FAT3: variants seen among roughly 807,000 people sequenced by gnomAD.
The protein encoded by FAT3 is protocadherin Fat 3.
In FAT3, 95 loss-of-function variants were observed where a neutral mutation model predicts 310.2. The observed-to-expected ratio is 0.31, with a 90% CI of 0.26 to 0.36. FAT3 has a LOEUF of 0.36. Ranked by LOEUF, FAT3 falls within the 10% of genes least tolerant of loss-of-function variation. FAT3 has a pLI of 1.00. For missense variants in FAT3, 5,408 were observed against 5,715.6 expected, an observed-to-expected ratio of 0.95 and a Z score of 1.74; for synonymous variants, 2,314 against 2,192.9, an observed-to-expected ratio of 1.06 and a Z score of -1.54.
chr11:92,329,284 C>A (rs1316169163), intron 1 of FAT3, among the ~76,000 whole-genome samples: 1 of 151,804 alleles, frequency 6.6e-6, no homozygotes, highest in Non-Finnish European at 1.5e-5. Context: ...AAGATTAATG[C>A]CCTCCCTCCG....
At chr11:92,412,009 C>G (rs1325667655) in intron 2 of FAT3, among the ~76,000 whole-genome samples, 1 of 152,002 alleles carries the variant, frequency 6.6e-6, no homozygotes. Context: ...TCAGATTTCC[C>G]CAAAGATATA....
intron 4 of FAT3, among the ~76,000 whole-genome samples, chr11:92,722,431 GC>G (rs1156827682): frequency 6.6e-6 from 1 of 152,216 alleles, no homozygotes; most frequent in Non-Finnish European, 1.5e-5. Context: ...GCAGGGTACA[GC>G]CTCCCTCCAA....
intron 1 of FAT3, among the ~76,000 whole-genome samples, chr11:92,235,062 C>T (rs1454118923): frequency 6.6e-6 from 1 of 150,816 alleles, no homozygotes; most frequent in East Asian, 2.0e-4. Context: ...CAGAGCAAGA[C>T]TCCATCTCTC....
At chr11:92,570,407 A>C (rs16917774) in intron 3 of FAT3, among the ~76,000 whole-genome samples, 2,113 of 152,300 alleles carry the variant, frequency 0.014, 58 homozygotes, top group African/African-American at 0.049. Flanking sequence ...GTGTTGGATA[A>C]TCATTAATGA....
intron 1 of FAT3, among the ~76,000 whole-genome samples, chr11:92,324,689 GA>G (rs1947719636): frequency 6.6e-6 from 1 of 152,200 alleles, no homozygotes; most frequent in South Asian, 2.1e-4. Flanking sequence ...CATGCTGTTG[GA>G]AAAATGGCGC....
chr11:92,375,427 C>T (rs1017722325), intron 2 of FAT3, among the ~76,000 whole-genome samples: 7 of 152,178 alleles, frequency 4.6e-5, no homozygotes, highest in Non-Finnish European at 1.0e-4. Flanking sequence ...AAGTGTCAGC[C>T]ACCACACCCA....
chr11:92,371,486 C>A (rs531566837), intron 2 of FAT3, among the ~76,000 whole-genome samples: 1 of 152,134 alleles, frequency 6.6e-6, no homozygotes, highest in Non-Finnish European at 1.5e-5. Flanking sequence ...GGAAGCGAGG[C>A]GGGTGGATCA....
intron 4 of FAT3, among the ~76,000 whole-genome samples, chr11:92,726,933 C>G (rs959980594): frequency 7.9e-5 from 12 of 151,882 alleles, no homozygotes; most frequent in African/African-American, 2.9e-4. Context: ...TAAATCTATT[C>G]AATAGAAGTC....
intron 2 of FAT3, among the ~76,000 whole-genome samples, chr11:92,454,556 C>T (rs1951449242): frequency 6.6e-6 from 1 of 152,100 alleles, no homozygotes. Context: ...TGGTAGAAAC[C>T]TTGATTACTT....
chr11:92,449,152 TA>T (rs1247813585), intron 2 of FAT3, among the ~76,000 whole-genome samples: 1 of 152,022 alleles, frequency 6.6e-6, no homozygotes, highest in Admixed American at 6.6e-5. Flanking sequence ...GCAATGCCAA[TA>T]AAAAAGCATC....
chr11:92,693,653 G>T (rs1943857691), intron 3 of FAT3, among the ~76,000 whole-genome samples: 1 of 152,196 alleles, frequency 6.6e-6, no homozygotes, highest in South Asian at 2.1e-4. Flanking sequence ...TGGCAGTGCT[G>T]CTGAGGTGCC....
chr11:92,387,863 T>C (rs1044464527), intron 2 of FAT3, among the ~76,000 whole-genome samples: 6 of 152,162 alleles, frequency 3.9e-5, no homozygotes, highest in Non-Finnish European at 8.8e-5. Context: ...CATCTCCTAC[T>C]TGGGTCAATA....
chr11:92,769,961 C>T lies in FAT3; in HGVS notation c.4196-4080C>T, dbSNP rs559839684. 9.8e-5 allele frequency among the ~76,000 whole-genome samples: 15 copies of T among 152,294 alleles called. No homozygotes were observed. In the South Asian group the frequency reaches 2.9e-3, roughly 29 times the overall value. The stretch of plus-strand genomic sequence containing the variant: ...TGGTAGGACTAGCAGCAGCCTTGTT[C>T]TTCAACTAGAGCTTGGACACCTCTG... On this transcript the variant is annotated intron_variant, in intron 6 of 27. Coordinates refer to ENST00000525166, the MANE Select transcript of FAT3 (RefSeq NM_001367949.2).
chr11:92,568,585 T>C (rs1955559079), intron 3 of FAT3, among the ~76,000 whole-genome samples: 1 of 152,162 alleles, frequency 6.6e-6, no homozygotes, highest in South Asian at 2.1e-4. Flanking sequence ...TTAGACTGAT[T>C]ATAATGTAGT....
chr11:92,730,509 G>A (rs942995041), intron 4 of FAT3, among the ~76,000 whole-genome samples: 1 of 152,186 alleles, frequency 6.6e-6, no homozygotes, highest in African/African-American at 2.4e-5. Context: ...GGCTGATGTA[G>A]CAAGGAAAGG....
chr11:92,471,645 G>A (rs927071362), intron 2 of FAT3, among the ~76,000 whole-genome samples: 1 of 151,990 alleles, frequency 6.6e-6, no homozygotes, highest in South Asian at 2.1e-4. Flanking sequence ...CATATGCAAA[G>A]GACAGTTGAA....
At position 92,805,164 on chromosome 11, in the gene FAT3, C is replaced by A. The variant is rs563792009; in HGVS notation, c.8908C>A (p.Arg2970=). 1.9e-6 allele frequency: 3 copies of A among 1,609,564 alleles called. No homozygotes were observed. Among genetic ancestry groups the A allele is most frequent in the Non-Finnish European group, 2.5e-6 (3 of 1,177,262 alleles). Residue 2970 remains arginine (R), a synonymous_variant, in exon 11 of 28, where the codon CGA becomes AGA. Coordinates refer to ENST00000525166, the MANE Select transcript of FAT3 (RefSeq NM_001367949.2). ...TTTTTTAACTGCAGGAGGAAACCCT[C>A]GAGGAAGGTTTGCTCTGGGCCTGGT... ...VSYHITGGNP[R]GRFALGLVQS...
intron 19 of FAT3, among the ~76,000 whole-genome samples, chr11:92,854,254 A>T (rs1239196192): frequency 6.6e-6 from 1 of 152,158 alleles, no homozygotes; most frequent in African/African-American, 2.4e-5. Context: ...GAGCAGGGAG[A>T]GGTCAAGGAG....
chr11:92,465,017 C>T (rs1010881656), intron 2 of FAT3, among the ~76,000 whole-genome samples: 1 of 152,006 alleles, frequency 6.6e-6, no homozygotes, highest in African/African-American at 2.4e-5. Context: ...AGTGGATGGC[C>T]ATTGAAACAT....
Sources: gnomAD v4.1 joint callset for allele counts (sites outside exome capture counted in the v4.1 genomes callset) on GRCh38, gnomAD v4.1.1 for gene constraint, MANE v1.5 for transcripts, NCBI Gene and HGNC (gene_info 2026-07-23, HGNC 2026-07-21) for gene names.